The following RAB21 variants were observed in gnomAD, a reference collection of about 807,000 sequenced individuals.
The protein encoded by RAB21 is RAB21, member RAS oncogene family.
RAB21 carries 13 observed loss-of-function variants against 33.1 expected under a neutral mutation model. The observed-to-expected ratio is 0.39, with a 90% CI of 0.26 to 0.62. RAB21 has a LOEUF of 0.62. Ranked by LOEUF, RAB21 falls within the 20% of genes least tolerant of loss-of-function variation. The pLI, the probability that RAB21 is intolerant of heterozygous loss-of-function variation, is 0.48. For synonymous variants in RAB21, 91 were observed against 103.7 expected (o/e 0.88, Z 0.74); for missense variants, 234 against 279.1 (o/e 0.84, Z 1.15).
rs1883507708 is a variant in RAB21 at position 71,799,362 on chromosome 12, C to G, written c.*13689C>G. On this transcript the variant is annotated 3_prime_UTR_variant, in exon 7 of 7. Transcript: ENST00000261263. ...CAAATTCCATTTAAAAAGTGCCTTC[C>G]TGTTTAAAATATCTATAATGGCTTC... 6.6e-6 allele frequency: 1 copy of G among 152,192 alleles called. No individual in the cohort carries two copies. The highest frequency in any genetic ancestry group is 2.1e-4 in the South Asian group (1 of 4,834). 9.4% of individuals were successfully genotyped at this position (152,192 alleles called of 1,614,324 possible). A position where few individuals can be genotyped will look rare whatever the true frequency, so the allele number is the denominator to read the frequency against.
At chr12:71,762,430 C>T (rs1273524695) in intron 1 of RAB21, among the ~76,000 whole-genome samples, 2 of 151,536 alleles carry the variant, frequency 1.3e-5, no homozygotes, top group African/African-American at 4.9e-5. Context: ...CTCAGCCTCC[C>T]GAGTAGCTGG....
At chr12:71,770,762 A>G in intron 3 of RAB21, 63 bp downstream of exon 3, 7 of 1,071,378 alleles carry the variant, frequency 6.5e-6, no homozygotes, top group South Asian at 1.4e-5. Context: ...TTCCATTAAT[A>G]TACCTTTATT....
intron 4 of RAB21, among the ~76,000 whole-genome samples, chr12:71,779,551 C>G (rs561410307): frequency 1.9e-4 from 29 of 152,196 alleles, no homozygotes; most frequent in Non-Finnish European, 4.0e-4. Context: ...AAGCTTCTTT[C>G]CACTGTGCCC....
In RAB21 at chr12:71,798,701, CTT is replaced by C. The variant is rs1187597152; in HGVS notation, c.*13032_*13033del. ...TTTTTAACCTATTAATCAAGAAAGA[CTT>C]TTTAGTTTTATAAAACATTGTAATA... is the stretch of plus-strand genomic sequence containing the variant. On this transcript the variant is annotated 3_prime_UTR_variant, in exon 7 of 7. Coordinates refer to ENST00000261263, the MANE Select transcript of RAB21 (RefSeq NM_014999.4). The C allele has an allele frequency of 1.3e-5, 2 of 152,042 alleles. No individual in the cohort carries two copies. Among genetic ancestry groups the C allele is most frequent in the Admixed American group, 6.5e-5 (1 of 15,268 alleles). The allele number at this position is 152,042 out of a possible 1,614,324, so 9.4% of individuals were successfully genotyped here.
intron 6 of RAB21, among the ~76,000 whole-genome samples, chr12:71,783,768 G>A (rs1883238298): frequency 6.6e-6 from 1 of 152,156 alleles, no homozygotes; most frequent in South Asian, 2.1e-4. Context: ...GATTTAATAG[G>A]TGTGGGATAG....
chr12:71,762,190 T>C (rs189285123), intron 1 of RAB21, among the ~76,000 whole-genome samples: 2 of 152,360 alleles, frequency 1.3e-5, no homozygotes, highest in Non-Finnish European at 2.9e-5. Flanking sequence ...TCTTTGACTT[T>C]CCTTTTGAAA....
At chr12:71,779,469 A>C (rs1471440837) in intron 4 of RAB21, among the ~76,000 whole-genome samples, 1 of 149,322 alleles carries the variant, frequency 6.7e-6, no homozygotes, top group East Asian at 2.0e-4. Flanking sequence ...AAGGTAAAAC[A>C]AAAAAAAAAT....
intron 2 of RAB21, 79 bp from the exon 3 acceptor site, chr12:71,770,511 TTA>T: frequency 1.0e-6 from 1 of 953,266 alleles, no homozygotes; most frequent in East Asian, 2.5e-5. Context: ...TATTTTCCAA[TTA>T]ATCAAAAAGT....
chr12:71,780,295 G>A (rs1883178906), intron 4 of RAB21, among the ~76,000 whole-genome samples: 1 of 152,056 alleles, frequency 6.6e-6, no homozygotes, highest in African/African-American at 2.4e-5. Flanking sequence ...AATTCCATAG[G>A]GTTTTAGGTA....
In RAB21 at chr12:71,799,022, A is replaced by G. The variant is rs1883503011; in HGVS notation, c.*13349A>G. 6.6e-6 allele frequency: 1 copy of G among 152,296 alleles called. No homozygotes were observed. Among genetic ancestry groups the G allele is most frequent in the Non-Finnish European group, 1.5e-5 (1 of 68,054 alleles). 9.4% of individuals were successfully genotyped at this position (152,296 alleles called of 1,614,324 possible). The stretch of plus-strand genomic sequence containing the variant: ...GTTCTTGAATGTTACGAGGTAGTGA[A>G]AAACGTTTCCATGCAGCAGTGATCA... On this transcript the variant is annotated 3_prime_UTR_variant, in exon 7 of 7. Transcript: ENST00000261263.
At chr12:71,773,782 T>C (rs1883077833) in intron 3 of RAB21, among the ~76,000 whole-genome samples, 177 bp from the exon 4 acceptor site, 1 of 152,224 alleles carries the variant, frequency 6.6e-6, no homozygotes, top group African/African-American at 2.4e-5. Context: ...TATATGTATA[T>C]AGTTTGCAAT....
chr12:71,785,436 G>A (rs1883269936), intron 6 of RAB21, 95 bp from the exon 7 acceptor site: 1 of 1,406,834 alleles, frequency 7.1e-7, no homozygotes, highest in Non-Finnish European at 9.7e-7. Context: ...TTGGTCGAAA[G>A]TCAGAAATAG....
chr12:71,786,779 CTG>C lies in RAB21; in HGVS notation c.*1109_*1110del, dbSNP rs1330032139. 1 of 152,234 alleles carries C rather than the reference CTG, an allele frequency of 6.6e-6. No individual in the cohort carries two copies. Among genetic ancestry groups the C allele is most frequent in the African/African-American group, 2.4e-5 (1 of 41,422 alleles). The allele number at this position is 152,234 out of a possible 1,614,324, so 9.4% of individuals were successfully genotyped here. ...TTGCTGTTGTCACATATTTTTGCCT[CTG>C]TGAGTTCATCTGATGATTGAGCAGT... On this transcript the variant is annotated 3_prime_UTR_variant, in exon 7 of 7. Transcript: ENST00000261263.
Position 71,795,885 on chromosome 12 carries a change from T to G in RAB21, c.*10212T>G, listed in dbSNP as rs1275469540. 7.2e-6 allele frequency: 1 copy of G among 138,158 alleles called. No individual in the cohort carries two copies. Among genetic ancestry groups the G allele is most frequent in the Non-Finnish European group, 1.5e-5 (1 of 66,134 alleles). 8.6% of individuals were successfully genotyped at this position (138,158 alleles called of 1,614,324 possible). Reference sequence around the variant, plus strand: ...ACTTCTTCAGTTTTTCAAGATAATTTTGCTGTTTTTGCTTTTTATTTATTT... The same window carrying G: ...ACTTCTTCAGTTTTTCAAGATAATTGTGCTGTTTTTGCTTTTTATTTATTT... On this transcript the variant is annotated 3_prime_UTR_variant, in exon 7 of 7. Coordinates refer to ENST00000261263, the MANE Select transcript of RAB21 (RefSeq NM_014999.4).
chr12:71,760,046 G>T (rs1249746611), intron 1 of RAB21, among the ~76,000 whole-genome samples: 1 of 152,216 alleles, frequency 6.6e-6, no homozygotes, highest in Non-Finnish European at 1.5e-5. Flanking sequence ...ATGAATAAAT[G>T]ATGCGGGATT....
intron 1 of RAB21, among the ~76,000 whole-genome samples, chr12:71,757,890 A>G (rs183918882): frequency 6.6e-6 from 1 of 152,072 alleles, no homozygotes; most frequent in African/African-American, 2.4e-5. Flanking sequence ...ACAGTTATGT[A>G]TGGATCACTA....
intron 1 of RAB21, among the ~76,000 whole-genome samples, chr12:71,759,579 A>G (rs751331775): frequency 1.7e-4 from 26 of 152,242 alleles, no homozygotes; most frequent in Non-Finnish European, 1.3e-4. Context: ...CATATTAATG[A>G]TAATGGAAGA....
intron 6 of RAB21, among the ~76,000 whole-genome samples, chr12:71,784,326 C>G (rs1883248323): frequency 6.6e-6 from 1 of 152,038 alleles, no homozygotes; most frequent in African/African-American, 2.4e-5. Flanking sequence ...ATCTATTTTT[C>G]TTTTATGATT....
chr12:71,773,208 A>G (rs1384831615), intron 3 of RAB21, among the ~76,000 whole-genome samples: 2 of 152,242 alleles, frequency 1.3e-5, no homozygotes, highest in South Asian at 2.1e-4. Flanking sequence ...AACTGTGTCT[A>G]CTACTATGCT....
Sources: allele counts gnomAD v4.1 joint callset (sites outside exome capture counted in the v4.1 genomes callset), GRCh38; gene constraint gnomAD v4.1.1; transcripts MANE v1.5; gene names NCBI Gene and HGNC (gene_info 2026-07-23, HGNC 2026-07-21).